Variants in CYSLTR1 observed in about 807,000 individuals in gnomAD.
CYSLTR1 encodes G-protein coupled receptor HG55.
Under a neutral mutation model 2.1 loss-of-function variants are expected in CYSLTR1, and 1 was observed. The observed-to-expected ratio is 0.48, with a 90% confidence interval of 0.17 to 2.28. The LOEUF is 2.28. Ranked by LOEUF, CYSLTR1 falls within the 30% of genes most tolerant of loss-of-function variation. CYSLTR1 has a pLI of 0.26. For missense variants in CYSLTR1, 299 were observed against 250.1 expected, an observed-to-expected ratio of 1.20 and a Z score of -1.32; for synonymous variants, 110 against 89.6, an observed-to-expected ratio of 1.23 and a Z score of -1.28.
Position 78,272,984 on chromosome X carries a change from TG to T in CYSLTR1, c.762del (p.Ile255PhefsTer25), listed in dbSNP as rs761039907. ...TCATTGTGTAAAAAATGAAGGTGAA[TG>T]GTACGTTGAATATGATATGGCATGA... ...VSFMPYHIQR[T>X]IHLHFLHNET... On this transcript the variant is annotated frameshift_variant, in exon 3 of 3. Coordinates refer to ENST00000373304, the MANE Select transcript of CYSLTR1 (RefSeq NM_006639.4). LOFTEE classifies it high-confidence loss of function. 5 of 1,211,355 alleles carry T rather than the reference TG, an allele frequency of 4.1e-6. No individual in the cohort carries two copies. The highest frequency in any genetic ancestry group is 5.6e-6 in the Non-Finnish European group (5 of 895,295).
chrX:78,279,018 C>T (rs1056669932), intron 2 of CYSLTR1, among the ~76,000 whole-genome samples: 3 of 112,093 alleles, frequency 2.7e-5, no homozygotes, highest in Non-Finnish European at 5.6e-5. Flanking sequence ...TACGAGAAAA[C>T]TTAGGAAATA....
chrX:78,281,873 T>C (rs1431892547), intron 2 of CYSLTR1, among the ~76,000 whole-genome samples: 2 of 111,558 alleles, frequency 1.8e-5, no homozygotes, highest in East Asian at 5.6e-4. Context: ...TTACACATTG[T>C]AGTTTTCAAT....
At chrX:78,317,785 G>T (rs1923476353) in intron 1 of CYSLTR1, among the ~76,000 whole-genome samples, 1 of 111,803 alleles carries the variant, frequency 8.9e-6, no homozygotes, top group Admixed American at 9.5e-5. Flanking sequence ...CTATGAGGAT[G>T]CAAAGATGTA....
At chrX:78,285,601 A>T (rs1269006583) in intron 1 of CYSLTR1, among the ~76,000 whole-genome samples, 1 of 111,825 alleles carries the variant, frequency 8.9e-6, no homozygotes, top group East Asian at 2.8e-4. Flanking sequence ...TGAGAAGTTT[A>T]ATATTACCAG....
chrX:78,325,588 C>T (rs1312802727), intron 1 of CYSLTR1, among the ~76,000 whole-genome samples: 1 of 111,822 alleles, frequency 8.9e-6, no homozygotes, highest in African/African-American at 3.3e-5. Context: ...AGGGTGAACT[C>T]CCAGTTATCC....
At chrX:78,278,710 G>C (rs779427729) in intron 2 of CYSLTR1, among the ~76,000 whole-genome samples, 1 of 112,156 alleles carries the variant, frequency 8.9e-6, no homozygotes, top group African/African-American at 3.2e-5. Context: ...TTAAACTACA[G>C]TACAAAGCTA....
chrX:78,318,186 C>T (rs1923499242), intron 1 of CYSLTR1, among the ~76,000 whole-genome samples: 1 of 112,034 alleles, frequency 8.9e-6, no homozygotes, highest in South Asian at 3.7e-4. Flanking sequence ...ACATATACAC[C>T]ATGGAATACT....
intron 1 of CYSLTR1, among the ~76,000 whole-genome samples, chrX:78,315,811 C>A (rs1923394089): frequency 8.9e-6 from 1 of 111,964 alleles, no homozygotes; most frequent in Admixed American, 9.4e-5. Flanking sequence ...ACCACAGGAC[C>A]CACCCAAAGA....
rs1922098840 is a variant in CYSLTR1, at chrX:78,286,909, G to A, written c.-114-3369C>T. On this transcript the variant is annotated intron_variant, in intron 1 of 2. Coordinates refer to ENST00000373304, the MANE Select transcript of CYSLTR1 (RefSeq NM_006639.4). Reference sequence around the variant, plus strand: ...ATATCTCATTTTGATTTTGATTTGCGTGAATGATATTGAGCCCCTTTTCAT... The same window carrying A: ...ATATCTCATTTTGATTTTGATTTGCATGAATGATATTGAGCCCCTTTTCAT... Among the ~76,000 whole-genome samples, 3 of 110,851 alleles carry A rather than the reference G, an allele frequency of 2.7e-5. No homozygotes were observed. The South Asian group carries it at 1.1e-3, about 42-fold the overall frequency.
At chrX:78,279,082 A>G (rs1921726168) in intron 2 of CYSLTR1, among the ~76,000 whole-genome samples, 1 of 112,356 alleles carries the variant, frequency 8.9e-6, no homozygotes, top group Non-Finnish European at 1.9e-5. Flanking sequence ...ATCAAAAGCA[A>G]TTGCAGCAAA....
intron 1 of CYSLTR1, chrX:78,319,430 C>A (rs1312179830): frequency 2.7e-5 from 3 of 110,110 alleles, no homozygotes; most frequent in Non-Finnish European, 5.7e-5. Flanking sequence ...CCTGTCCCTA[C>A]AAAAGACATG....
At chrX:78,314,642 G>T (rs921476661) in intron 1 of CYSLTR1, among the ~76,000 whole-genome samples, 1 of 111,123 alleles carries the variant, frequency 9.0e-6, no homozygotes, top group African/African-American at 3.3e-5. Flanking sequence ...GTGAGGCATT[G>T]AACTCAGTGC....
Position 78,272,946 on chromosome X carries a change from A to C in CYSLTR1, c.801T>G (p.Cys267Trp). The C allele has an allele frequency of 8.3e-7, 1 of 1,211,346 alleles. No homozygotes were observed. The highest frequency in any genetic ancestry group is 1.1e-6 in the Non-Finnish European group (1 of 895,174). Reference sequence around the variant, plus strand: ...ACTTCTGCATTCTAAGGACAGAATCACAGGGTTTAGTTTCATTGTGTAAAA... The same window carrying C: ...ACTTCTGCATTCTAAGGACAGAATCCCAGGGTTTAGTTTCATTGTGTAAAA... ...LHFLHNETKPCDSVLRMQKSV... is the reference protein window; with the variant it reads ...LHFLHNETKPWDSVLRMQKSV... The change falls in exon 3 of 3, where the codon TGT becomes TGG. Residue 267 changes from cysteine (C) to tryptophan (W), a missense_variant. Physicochemically the swap from Cys to Trp is radical, Grantham distance 215 (BLOSUM62 -2). Coordinates refer to ENST00000373304, the MANE Select transcript of CYSLTR1 (RefSeq NM_006639.4).
intron 1 of CYSLTR1, among the ~76,000 whole-genome samples, chrX:78,295,933 T>G (rs1922555419): frequency 9.0e-6 from 1 of 111,492 alleles, no homozygotes; most frequent in Admixed American, 9.6e-5. Flanking sequence ...TTGCTCTGGT[T>G]GCCTGTGCTT....
At chrX:78,324,138 A>G in intron 1 of CYSLTR1, among the ~76,000 whole-genome samples, 1 of 112,078 alleles carries the variant, frequency 8.9e-6, no homozygotes, top group Middle Eastern at 4.6e-3. Flanking sequence ...GAATTTATAC[A>G]GTGGCCTTTT....
At position 78,300,769 on chromosome X, in the gene CYSLTR1, T is replaced by C. The variant is rs189023486; in HGVS notation, c.-114-17229A>G. 6.8e-3 allele frequency among the ~76,000 whole-genome samples: 770 copies of C among 112,837 alleles called. 1 individual carries two copies. The highest frequency in any genetic ancestry group is 0.023 in the African/African-American group (729 of 31,085). ...GGTCTATCCCATGCTGTTCTCATGA[T>C]AGTGAATAAGTCTTATGAAATATGA... On this transcript the variant is annotated intron_variant, in intron 1 of 2. Transcript: ENST00000373304.
At chrX:78,297,563 G>A (rs781175891) in intron 1 of CYSLTR1, among the ~76,000 whole-genome samples, 35 of 111,101 alleles carry the variant, frequency 3.2e-4, no homozygotes, top group Non-Finnish European at 9.5e-5. Flanking sequence ...CTTGTTATTT[G>A]TTATTGATCT....
intron 1 of CYSLTR1, among the ~76,000 whole-genome samples, chrX:78,324,552 GA>G (rs1215979117): frequency 1.8e-5 from 2 of 111,093 alleles, no homozygotes; most frequent in African/African-American, 6.5e-5. Context: ...ATTTTTAGTA[GA>G]GATGGGGTTT....
intron 1 of CYSLTR1, among the ~76,000 whole-genome samples, chrX:78,293,305 C>A (rs1161726141): frequency 9.0e-6 from 1 of 111,110 alleles, no homozygotes; most frequent in African/African-American, 3.3e-5. Context: ...GAATATTGGC[C>A]CCCACTCTCT....
Sources: allele counts gnomAD v4.1 joint callset (sites outside exome capture counted in the v4.1 genomes callset), GRCh38; gene constraint gnomAD v4.1.1; transcripts MANE v1.5; gene names NCBI Gene and HGNC (gene_info 2026-07-23, HGNC 2026-07-21).